Variants in NALCN observed in about 807,000 individuals in gnomAD.
The protein encoded by NALCN is sodium leak channel NALCN.
In NALCN, 111 loss-of-function variants were observed where a neutral mutation model predicts 225.3. That is an observed-to-expected ratio of 0.49 (90% CI 0.42 to 0.58). The LOEUF is 0.58. NALCN is among the 20% of genes least tolerant of loss of function. The pLI is 0.00. For synonymous variants in NALCN, 764 were observed against 769.0 expected (o/e 0.99, Z 0.11); for missense variants, 1,378 against 2,202.4 (o/e 0.63, Z 7.49).
Position 101,320,167 on chromosome 13 carries a change from T to A in NALCN, c.799+25099A>T, listed in dbSNP as rs115006157. 4.5e-3 allele frequency among the ~76,000 whole-genome samples: 690 copies of A among 152,288 alleles called. 4 individuals are homozygous for A. The highest frequency in any genetic ancestry group is 0.016 in the African/African-American group (669 of 41,550). On this transcript the variant is annotated intron_variant, in intron 7 of 43. Coordinates refer to ENST00000251127, the MANE Select transcript of NALCN (RefSeq NM_052867.4). The stretch of plus-strand genomic sequence containing the variant: ...TAAAATCTACCTTCAGGTATTCAAT[T>A]TACAACAACAATAACAAAGCAAGTC...
intron 7 of NALCN, among the ~76,000 whole-genome samples, chr13:101,297,111 C>T (rs1384939158): frequency 6.6e-6 from 1 of 152,120 alleles, no homozygotes; most frequent in African/African-American, 2.4e-5. Context: ...GGAGTACTCC[C>T]ATTTGTTTCT....
intron 10 of NALCN, among the ~76,000 whole-genome samples, chr13:101,261,895 G>T (rs2042441101): frequency 6.6e-6 from 1 of 152,160 alleles, no homozygotes; most frequent in Non-Finnish European, 1.5e-5. Context: ...AATAACAGAG[G>T]TGATAGTGGG....
At chr13:101,098,574 C>A (rs1383107127) in intron 27 of NALCN, among the ~76,000 whole-genome samples, 1 of 152,194 alleles carries the variant, frequency 6.6e-6, no homozygotes, top group Non-Finnish European at 1.5e-5. Flanking sequence ...TGCTCAGCCT[C>A]ATACAAGAAA....
intron 11 of NALCN, among the ~76,000 whole-genome samples, chr13:101,248,126 T>C (rs2041955675): frequency 6.6e-6 from 1 of 152,180 alleles, no homozygotes; most frequent in Non-Finnish European, 1.5e-5. Context: ...GCGATGAACA[T>C]ATGCATGCAT....
chr13:101,068,059 G>C, intron 38 of NALCN, 26 bp from the exon 39 acceptor site: 1 of 1,357,276 alleles, frequency 7.4e-7, no homozygotes, highest in Non-Finnish European at 1.0e-6. Context: ...AAATTCAGAA[G>C]TTAGACCATT....
At chr13:101,370,819 T>A (rs943856249) in intron 6 of NALCN, among the ~76,000 whole-genome samples, 2 of 152,180 alleles carry the variant, frequency 1.3e-5, no homozygotes, top group Admixed American at 1.3e-4. Flanking sequence ...TTGATAAGTT[T>A]TGGCACATGT....
chr13:101,265,263 A>G (rs1009548902), intron 10 of NALCN, among the ~76,000 whole-genome samples: 7 of 152,202 alleles, frequency 4.6e-5, no homozygotes, highest in Non-Finnish European at 1.0e-4. Context: ...CAGGGCTACA[A>G]AATGGTACCT....
intron 30 of NALCN, among the ~76,000 whole-genome samples, chr13:101,085,509 C>T (rs547308606): frequency 3.3e-4 from 50 of 152,102 alleles, no homozygotes; most frequent in African/African-American, 1.2e-3. Context: ...TAATTGACAA[C>T]AATTAATTGT....
intron 7 of NALCN, among the ~76,000 whole-genome samples, chr13:101,294,632 C>T (rs1413466957): frequency 1.1e-4 from 16 of 147,486 alleles, no homozygotes; most frequent in Non-Finnish European, 2.2e-4. Flanking sequence ...CCTGTGATGC[C>T]GCCAACGTAC....
At chr13:101,163,303 C>T (rs555654707) in intron 15 of NALCN, among the ~76,000 whole-genome samples, 26 of 152,074 alleles carry the variant, frequency 1.7e-4, no homozygotes, top group South Asian at 8.4e-4. Flanking sequence ...ATGATACAAC[C>T]GACAACCCAC....
intron 34 of NALCN, 40 bp downstream of exon 34, chr13:101,081,487 T>G (rs2033646601): frequency 6.2e-7 from 1 of 1,613,316 alleles, no homozygotes; most frequent in Non-Finnish European, 8.5e-7. Flanking sequence ...TGAACCAAAC[T>G]GAAATAATCA....
rs1029351356 is a variant in NALCN, at chr13:101,174,588, G to A, written c.1839+1712C>T. Among the ~76,000 whole-genome samples, 6 of 151,988 alleles carry A rather than the reference G, an allele frequency of 3.9e-5. No individual in the cohort carries two copies. The South Asian group carries it at 6.2e-4, about 16-fold the overall frequency. ...AAATTTAAGTAGGCTATGCATATAC[G>A]TGTATATATAAATAAGTTAAAATGT... On this transcript the variant is annotated intron_variant, in intron 15 of 43. Coordinates refer to ENST00000251127, the MANE Select transcript of NALCN (RefSeq NM_052867.4).
At chr13:101,110,723 A>G (rs1259500751) in intron 19 of NALCN, 35 bp from the exon 20 acceptor site, 1 of 1,599,936 alleles carries the variant, frequency 6.3e-7, no homozygotes, top group Non-Finnish European at 8.6e-7. Flanking sequence ...AATACATCTC[A>G]AGATCAAACT....
chr13:101,145,032 G>A (rs1273852189), intron 15 of NALCN, 136 bp from the exon 16 acceptor site: 22 of 881,960 alleles, frequency 2.5e-5, no homozygotes, highest in Non-Finnish European at 3.4e-5. Flanking sequence ...GGCCTACCAA[G>A]TATACCTCTC....
At chr13:101,302,353 T>A (rs889198473) in intron 7 of NALCN, among the ~76,000 whole-genome samples, 3 of 152,150 alleles carry the variant, frequency 2.0e-5, no homozygotes, top group Non-Finnish European at 2.9e-5. Flanking sequence ...AATGAACTAG[T>A]AAATAATCTC....
rs1594805913 is a variant in NALCN at position 101,416,460 on chromosome 13, G to A, written c.-187C>T. The stretch of plus-strand genomic sequence containing the variant: ...CCTACGGCGGCTCAGCTCAGGCAGC[G>A]CGCTCGGCCCGGCTGGGGCCGCGGC... On this transcript the variant is annotated 5_prime_UTR_variant, in exon 1 of 44. Coordinates refer to ENST00000251127, the MANE Select transcript of NALCN (RefSeq NM_052867.4). The A allele has an allele frequency of 1.3e-5, 2 of 151,904 alleles. No individual in the cohort carries two copies. Among genetic ancestry groups the A allele is most frequent in the South Asian group, 2.1e-4 (1 of 4,842 alleles). 9.4% of individuals were successfully genotyped at this position (151,904 alleles called of 1,614,324 possible).
intron 18 of NALCN, among the ~76,000 whole-genome samples, chr13:101,111,674 G>A (rs185050070): frequency 5.8e-4 from 88 of 152,252 alleles, no homozygotes; most frequent in African/African-American, 1.7e-3. Context: ...TGCTTTTCTC[G>A]TGATTGTGAA....
At chr13:101,152,953 C>T (rs958382029) in intron 15 of NALCN, among the ~76,000 whole-genome samples, 5 of 151,996 alleles carry the variant, frequency 3.3e-5, no homozygotes, top group South Asian at 2.1e-4. Context: ...GATGATTCTT[C>T]GTTAAGTGCT....
chr13:101,351,284 T>C (rs2045901005), intron 6 of NALCN, among the ~76,000 whole-genome samples: 1 of 152,198 alleles, frequency 6.6e-6, no homozygotes, highest in Non-Finnish European at 1.5e-5. Context: ...TTTCTGGCTT[T>C]AGTAGCTTCC....
Sources: allele counts gnomAD v4.1 joint callset (sites outside exome capture counted in the v4.1 genomes callset), GRCh38; gene constraint gnomAD v4.1.1; transcripts MANE v1.5; gene names NCBI Gene and HGNC (gene_info 2026-07-23, HGNC 2026-07-21).